AKAP3: variants seen among roughly 807,000 people sequenced by gnomAD.
AKAP3 encodes the protein A-kinase anchor protein 3.
In AKAP3, 27 loss-of-function variants were observed where a neutral mutation model predicts 57.2. The observed-to-expected ratio is 0.47, with a 90% CI of 0.35 to 0.65. The LOEUF is 0.65. Among genes scored for constraint, AKAP3 ranks in the 30% least tolerant of loss-of-function variants. The probability of loss-of-function intolerance (pLI) is 0.01; values close to 1 mark genes in which losing one functional copy is unlikely to be tolerated. For synonymous variants in AKAP3, 334 were observed against 392.3 expected (o/e 0.85, Z 1.76); for missense variants, 959 against 1,040.0 (o/e 0.92, Z 1.07).
intron 5 of AKAP3, among the ~76,000 whole-genome samples, chr12:4,624,990 T>G (rs544298577): frequency 6.6e-6 from 1 of 152,184 alleles, no homozygotes; most frequent in African/African-American, 2.4e-5. Flanking sequence ...ACAAAAGGCT[T>G]TCTCACACAT....
At chr12:4,635,075 G>C (rs748180093) in intron 4 of AKAP3, among the ~76,000 whole-genome samples, 1 of 152,200 alleles carries the variant, frequency 6.6e-6, no homozygotes, top group Non-Finnish European at 1.5e-5. Context: ...TATATTGCTA[G>C]CGATGAGAAA....
rs951005420 is a variant in AKAP3, at chr12:4,641,187, G to A, written c.-1+712C>T. On this transcript the variant is annotated intron_variant, in intron 3 of 5. Transcript: ENST00000228850. ...TCCCAGGATGCTCACCGCAACCTCC[G>A]CCTTCCCAGGGAGTATCTAATTCCT... 7.8e-5 allele frequency among the ~76,000 whole-genome samples: 11 copies of A among 141,406 alleles called. No homozygotes were observed. The East Asian group carries it at 9.2e-4, about 12-fold the overall frequency. The allele number at this position is 141,406 out of a possible 152,430, so 92.8% of individuals were successfully genotyped here. A position where few individuals can be genotyped will look rare whatever the true frequency, so the allele number is the denominator to read the frequency against.
At chr12:4,631,622 C>G (rs76191611) in intron 4 of AKAP3, among the ~76,000 whole-genome samples, 1 of 151,850 alleles carries the variant, frequency 6.6e-6, no homozygotes, top group African/African-American at 2.4e-5. Context: ...CAAACACACA[C>G]GTAAATTACA....
Position 4,648,821 on chromosome 12 carries a change from G to A in AKAP3, c.-321C>T, listed in dbSNP as rs1945732339. Reference sequence around the variant, plus strand: ...GGAAAGGTGAGCTCTTCTACCTCGGGTCTTGCCATTTTGCATGTCCTGAGT... The same window carrying A: ...GGAAAGGTGAGCTCTTCTACCTCGGATCTTGCCATTTTGCATGTCCTGAGT... On this transcript the variant is annotated 5_prime_UTR_variant, in exon 1 of 6. Transcript: ENST00000228850. 2.8e-6 allele frequency: 1 copy of A among 363,620 alleles called. No individual in the cohort carries two copies. Among genetic ancestry groups the A allele is most frequent in the East Asian group, 5.5e-5 (1 of 18,254 alleles). The allele number at this position is 363,620 out of a possible 1,614,324, so 22.5% of individuals were successfully genotyped here. A position where few individuals can be genotyped will look rare whatever the true frequency, so the allele number is the denominator to read the frequency against.
intron 4 of AKAP3, among the ~76,000 whole-genome samples, chr12:4,633,970 CTT>C (rs59050368): frequency 1.7e-3 from 236 of 138,010 alleles, no homozygotes; most frequent in African/African-American, 3.9e-3. Flanking sequence ...TATCTATATT[CTT>C]TTTTTTTTTT....
At chr12:4,630,369 T>C (rs1026689104) in intron 4 of AKAP3, among the ~76,000 whole-genome samples, 3 of 152,230 alleles carry the variant, frequency 2.0e-5, no homozygotes, top group African/African-American at 7.2e-5. Flanking sequence ...ATCTCACAGC[T>C]AGTCCATGGT....
chr12:4,630,757 C>T (rs1377730687), intron 4 of AKAP3, among the ~76,000 whole-genome samples: 15 of 152,158 alleles, frequency 9.9e-5, no homozygotes, highest in Admixed American at 9.2e-4. Context: ...CTTGTCTAGA[C>T]ACCTATAAGG....
Position 4,627,297 on chromosome 12 carries a change from A to C in AKAP3, c.1605T>G (p.Ile535Met), listed in dbSNP as rs1945430837. Residue 535 changes from isoleucine (I) to methionine (M), a missense_variant, in exon 5 of 6, where the codon ATT (isoleucine) becomes ATG (methionine). Transcript: ENST00000228850. ...TTCCTCCCTGGGCCAGGTGATATTG[A>C]ATCAGAAGCAGGGCAGACACGATCA... is the stretch of plus-strand genomic sequence containing the variant. Reference protein sequence around the residue: ...EDLIVSALLLIQYHLAQGGRR... With the variant: ...EDLIVSALLLMQYHLAQGGRR... The C allele has an allele frequency of 6.2e-7, 1 of 1,613,976 alleles. No homozygotes were observed. The highest frequency in any genetic ancestry group is 1.7e-4 in the Middle Eastern group (1 of 6,058).
At chr12:4,638,247 A>G (rs1945590845) in intron 3 of AKAP3, 51 bp from the exon 4 acceptor site, 1 of 1,299,654 alleles carries the variant, frequency 7.7e-7, no homozygotes, top group Non-Finnish European at 1.1e-6. Context: ...GGCAGATTTT[A>G]TGAAAGTAAG....
intron 4 of AKAP3, among the ~76,000 whole-genome samples, chr12:4,636,561 C>A (rs1484094267): frequency 1.3e-5 from 2 of 152,116 alleles, no homozygotes; most frequent in Non-Finnish European, 2.9e-5. Flanking sequence ...AATCAAAGAT[C>A]TAGTTGAAGC....
chr12:4,627,651 G>GT lies in AKAP3; in HGVS notation c.1250dup (p.Asn417LysfsTer11). The GT allele has an allele frequency of 6.2e-7, 1 of 1,613,974 alleles. No individual in the cohort carries two copies. Among genetic ancestry groups the GT allele is most frequent in the Non-Finnish European group, 8.5e-7 (1 of 1,180,016 alleles). On this transcript the variant is annotated frameshift_variant, in exon 5 of 6. Transcript: ENST00000228850. LOFTEE classifies it high-confidence loss of function. ...ATTTCATGGCAAAGTTCACATTTCG[G>GT]TTTTTAGGATCACCCATTCCTTTCA...
chr12:4,618,421 T>C (rs1321581691), intron 5 of AKAP3, among the ~76,000 whole-genome samples: 14 of 152,218 alleles, frequency 9.2e-5, no homozygotes, highest in Non-Finnish European at 2.1e-4. Context: ...CATATCTATA[T>C]GCAAGATATT....
At chr12:4,622,439 G>C (rs1945358217) in intron 5 of AKAP3, among the ~76,000 whole-genome samples, 1 of 152,074 alleles carries the variant, frequency 6.6e-6, no homozygotes, top group African/African-American at 2.4e-5. Flanking sequence ...CAGACATACA[G>C]ACCAATGGAA....
At chr12:4,638,527 T>G (rs888240364) in intron 3 of AKAP3, among the ~76,000 whole-genome samples, 4 of 152,172 alleles carry the variant, frequency 2.6e-5, no homozygotes, top group African/African-American at 9.7e-5. Context: ...ACCCTCCCCC[T>G]GCACTCACAG....
intron 2 of AKAP3, among the ~76,000 whole-genome samples, 197 bp downstream of exon 2, chr12:4,644,858 G>C (rs984752147): frequency 6.6e-6 from 1 of 152,134 alleles, no homozygotes; most frequent in Non-Finnish European, 1.5e-5. Context: ...AGGTTGCAGT[G>C]AGCCGAGATT....
intron 4 of AKAP3, chr12:4,636,240 C>G: frequency 2.3e-6 from 1 of 443,122 alleles, no homozygotes; most frequent in Non-Finnish European, 4.1e-6. Context: ...TTTCTTCTTT[C>G]TGGAGGTAAA....
chr12:4,623,551 G>T (rs1280598549), intron 5 of AKAP3, among the ~76,000 whole-genome samples: 1 of 152,124 alleles, frequency 6.6e-6, no homozygotes, highest in African/African-American at 2.4e-5. Context: ...GGAGTTAAAT[G>T]ATGAGAACAC....
At chr12:4,616,710 G>A (rs1945289483) in intron 5 of AKAP3, among the ~76,000 whole-genome samples, 1 of 152,142 alleles carries the variant, frequency 6.6e-6, no homozygotes, top group Non-Finnish European at 1.5e-5. Flanking sequence ...ATGTAAATGA[G>A]AGAGGAAAGT....
chr12:4,626,984 G>T lies in AKAP3; in HGVS notation c.1918C>A (p.Leu640Ile), dbSNP rs753876903. The T allele has an allele frequency of 1.9e-6, 3 of 1,613,984 alleles. No individual in the cohort carries two copies. The African/African-American group carries it at 4.0e-5, about 22-fold the overall frequency. ...CCAGGGGTCTCATCATCCTCATATA[G>T]CCTGGGGGGAGAAGACGCCAACGGT... The part of the protein sequence containing the change: ...ERPLASSPPR[L>I]YEDDETPGAL... The change falls in exon 5 of 6, where the codon CTA (leucine) becomes ATA (isoleucine). Residue 640 changes from leucine (L) to isoleucine (I), a missense_variant. Leu to Ile is a conservative substitution (Grantham distance 5). Transcript: ENST00000228850.
Sources: allele counts gnomAD v4.1 joint callset (sites outside exome capture counted in the v4.1 genomes callset), GRCh38; gene constraint gnomAD v4.1.1; transcripts MANE v1.5; gene names NCBI Gene and HGNC (gene_info 2026-07-23, HGNC 2026-07-21).